Variants in PHF14 observed in about 807,000 individuals in gnomAD.
PHF14 encodes the protein PHD finger protein 14.
In PHF14, 55 loss-of-function variants were observed where a neutral mutation model predicts 117.9. The observed-to-expected ratio is 0.47, with a 90% confidence interval of 0.38 to 0.58. The LOEUF is 0.58. PHF14 is among the 20% of genes least tolerant of loss of function. The probability of loss-of-function intolerance (pLI) is 0.00; values close to 1 mark genes in which losing one functional copy is unlikely to be tolerated. For synonymous variants in PHF14, 409 were observed against 368.6 expected, an observed-to-expected ratio of 1.11 and a Z score of -1.26; for missense variants, 978 against 1,122.2, an observed-to-expected ratio of 0.87 and a Z score of 1.84.
intron 17 of PHF14, among the ~76,000 whole-genome samples, chr7:11,134,360 T>A (rs116064302): frequency 2.0e-5 from 3 of 152,112 alleles, no homozygotes; most frequent in African/African-American, 7.2e-5. Flanking sequence ...TTTAGAGAGA[T>A]TTGCAAACTT....
chr7:11,088,191 A>G (rs1406754725), intron 16 of PHF14, among the ~76,000 whole-genome samples: 2 of 152,180 alleles, frequency 1.3e-5, no homozygotes, highest in African/African-American at 4.8e-5. Flanking sequence ...ATCTCTAGAT[A>G]CTTATTATAA....
chr7:11,062,144 A>C, intron 16 of PHF14, 59 bp downstream of exon 16: 3 of 1,429,880 alleles, frequency 2.1e-6, no homozygotes, highest in South Asian at 1.4e-5. Flanking sequence ...TTATTTTCTC[A>C]TCACAGAAAA....
intron 14 of PHF14, 33 bp from the exon 15 acceptor site, chr7:11,061,758 T>G: frequency 6.8e-7 from 1 of 1,471,334 alleles, no homozygotes; most frequent in Non-Finnish European, 9.0e-7. Context: ...CTGTGGATTT[T>G]TGTTTTTTGT....
chr7:10,986,085 C>T (rs1224281502), intron 3 of PHF14, among the ~76,000 whole-genome samples: 17 of 152,002 alleles, frequency 1.1e-4, no homozygotes, highest in African/African-American at 2.4e-5. Context: ...TCTCCCACCT[C>T]AGCCTTTGGA....
intron 3 of PHF14, 40 bp from the exon 4 acceptor site, chr7:10,990,663 A>T (rs1303855291): frequency 7.9e-7 from 1 of 1,267,706 alleles, no homozygotes; most frequent in Non-Finnish European, 1.1e-6. Flanking sequence ...TTTTTACTTT[A>T]AATGTGATTT....
intron 16 of PHF14, chr7:11,103,557 A>G: frequency 1.0e-6 from 1 of 984,962 alleles, no homozygotes; most frequent in Non-Finnish European, 1.2e-6. Context: ...GAACTGATTT[A>G]GAAGAGACTC....
intron 14 of PHF14, among the ~76,000 whole-genome samples, chr7:11,058,378 T>C (rs1004165941): frequency 4.6e-5 from 7 of 152,182 alleles, no homozygotes; most frequent in Non-Finnish European, 1.0e-4. Context: ...GTAGTTATAG[T>C]TGCTGCCACT....
At chr7:11,137,778 G>A (rs1788268745) in intron 17 of PHF14, among the ~76,000 whole-genome samples, 1 of 151,432 alleles carries the variant, frequency 6.6e-6, no homozygotes, top group African/African-American at 2.4e-5. Context: ...TAGAGACGGG[G>A]TTTTGCCATG....
intron 17 of PHF14, among the ~76,000 whole-genome samples, chr7:11,141,220 T>G (rs1049096240): frequency 7.9e-5 from 12 of 152,142 alleles, no homozygotes; most frequent in African/African-American, 2.9e-4. Flanking sequence ...TTGTATAATT[T>G]AAATTTAGAG....
intron 17 of PHF14, among the ~76,000 whole-genome samples, chr7:11,123,348 C>T (rs78382724): frequency 0.017 from 2,616 of 152,144 alleles, 73 homozygotes; most frequent in East Asian, 0.12. Context: ...CTTATAGTCT[C>T]CTTTTACTAA....
chr7:10,974,777 A>T, intron 1 of PHF14, 58 bp from the exon 2 acceptor site: 4 of 876,250 alleles, frequency 4.6e-6, no homozygotes, highest in Non-Finnish European at 7.2e-6. Flanking sequence ...TAGCACCACA[A>T]CTCTCCCCTG....
At chr7:11,134,866 C>G (rs1308750256) in intron 17 of PHF14, among the ~76,000 whole-genome samples, 2 of 152,036 alleles carry the variant, frequency 1.3e-5, no homozygotes, top group African/African-American at 4.8e-5. Context: ...TTCAGTAGAG[C>G]AACATATAGA....
chr7:11,141,889 A>AAAAT (rs1316421023), intron 17 of PHF14, among the ~76,000 whole-genome samples: 1 of 105,884 alleles, frequency 9.4e-6, no homozygotes. Context: ...GTCACAATTG[A>AAAAT]AAATACTGCT....
At chr7:11,138,029 G>A (rs1320983442) in intron 17 of PHF14, among the ~76,000 whole-genome samples, 1 of 146,246 alleles carries the variant, frequency 6.8e-6, no homozygotes, top group Non-Finnish European at 1.5e-5. Context: ...GAGGAAACAG[G>A]GAAAAATACT....
intron 17 of PHF14, 128 bp downstream of exon 17, chr7:11,111,595 A>G: frequency 1.8e-6 from 1 of 552,296 alleles, no homozygotes; most frequent in Non-Finnish European, 3.2e-6. Flanking sequence ...AGTACACCTT[A>G]AGAATATATT....
chr7:11,162,110 A>G (rs1158146896), intron 17 of PHF14, among the ~76,000 whole-genome samples: 1 of 80,056 alleles, frequency 1.2e-5, no homozygotes, highest in Non-Finnish European at 2.4e-5. Context: ...TTTTTTTGAG[A>G]CAGAGCCTTG....
At chr7:11,012,261 C>G (rs1351262454) in intron 4 of PHF14, among the ~76,000 whole-genome samples, 43 of 152,114 alleles carry the variant, frequency 2.8e-4, no homozygotes. Flanking sequence ...AAATTTTAGG[C>G]AGATCTGGAA....
chr7:11,120,128 T>A (rs1379742750), intron 17 of PHF14, among the ~76,000 whole-genome samples: 1 of 151,930 alleles, frequency 6.6e-6, no homozygotes, highest in Non-Finnish European at 1.5e-5. Context: ...ATAGAGTAAT[T>A]TAAATTATAT....
At chr7:11,000,059 T>C (rs990354462) in intron 4 of PHF14, among the ~76,000 whole-genome samples, 3 of 152,190 alleles carry the variant, frequency 2.0e-5, no homozygotes, top group African/African-American at 7.2e-5. Flanking sequence ...CTTTGACCAC[T>C]TTAGGTGAAT....
Sources: allele counts gnomAD v4.1 joint callset (sites outside exome capture counted in the v4.1 genomes callset), GRCh38; gene constraint gnomAD v4.1.1; transcripts MANE v1.5; gene names NCBI Gene and HGNC (gene_info 2026-07-23, HGNC 2026-07-21).